The following STPG2 variants were observed in gnomAD, a reference collection of about 807,000 sequenced individuals.
The protein encoded by STPG2 is sperm-tail PG-rich repeat-containing protein 2.
In STPG2, 56 loss-of-function variants were observed where a neutral mutation model predicts 54.2. That is an observed-to-expected ratio of 1.03 (90% confidence interval 0.83 to 1.29). The LOEUF (loss-of-function observed/expected upper bound fraction) is 1.29, where lower values mean the gene tolerates loss of function less well. Ranked by LOEUF, STPG2 falls within the 50% of genes most tolerant of loss-of-function variation. The pLI is 0.00. For missense variants in STPG2, 596 were observed against 544.9 expected (o/e 1.09, Z -0.93); for synonymous variants, 200 against 181.8 (o/e 1.10, Z -0.81).
intron 9 of STPG2, among the ~76,000 whole-genome samples, chr4:97,744,023 C>T (rs1725350661): frequency 6.6e-6 from 1 of 151,328 alleles, no homozygotes; most frequent in Non-Finnish European, 1.5e-5. Flanking sequence ...GAGTTAGATG[C>T]TATAATACAT....
At chr4:97,752,893 C>A (rs1394447114) in intron 9 of STPG2, among the ~76,000 whole-genome samples, 1 of 151,844 alleles carries the variant, frequency 6.6e-6, no homozygotes, top group Non-Finnish European at 1.5e-5. Flanking sequence ...TTCATAAAGC[C>A]TTTTCCATAT....
rs1273463721 is a variant in STPG2 at position 98,128,576 on chromosome 4, G to A, written c.239C>T (p.Pro80Leu). Residue 80 changes from proline (P) to leucine (L), a missense_variant, in exon 3 of 11, where the codon CCT becomes CTT. Physicochemically the swap from Pro to Leu is moderately conservative, Grantham distance 98 (BLOSUM62 -3). Coordinates refer to ENST00000295268, the MANE Select transcript of STPG2 (RefSeq NM_174952.3). Reference protein sequence around the residue: ...VSEAQKISRSPTLTRSVDVPS... With the variant: ...VSEAQKISRSLTLTRSVDVPS... ...AACATCAACACTTCTGGTAAGTGTA[G>A]GTGATCTTGAAATTTTCTGCAAGGA... is the stretch of plus-strand genomic sequence containing the variant. 6 of 1,590,366 alleles carry A rather than the reference G, an allele frequency of 3.8e-6. No homozygotes were observed. Among genetic ancestry groups the A allele is most frequent in the Admixed American group, 3.7e-5 (2 of 53,880 alleles).
chr4:97,943,207 A>T (rs1733058508), intron 8 of STPG2, among the ~76,000 whole-genome samples: 1 of 151,960 alleles, frequency 6.6e-6, no homozygotes, highest in Non-Finnish European at 1.5e-5. Flanking sequence ...TGACATAATC[A>T]CCTCCCAGAA....
At chr4:97,723,870 A>T (rs1239728011) in intron 9 of STPG2, among the ~76,000 whole-genome samples, 1 of 152,170 alleles carries the variant, frequency 6.6e-6, no homozygotes, top group Non-Finnish European at 1.5e-5. Flanking sequence ...GGCATAAGGG[A>T]AACTGTTCCC....
At chr4:97,622,556 C>T (rs1441845936) in intron 10 of STPG2, among the ~76,000 whole-genome samples, 12 of 152,042 alleles carry the variant, frequency 7.9e-5, no homozygotes. Flanking sequence ...ATACAGCTAA[C>T]AAGGGAGTTG....
intron 4 of STPG2, among the ~76,000 whole-genome samples, chr4:97,514,506 G>A (rs964296576): frequency 6.6e-6 from 1 of 152,056 alleles, no homozygotes; most frequent in Non-Finnish European, 1.5e-5. Flanking sequence ...AATTTCTCAT[G>A]AAGAAGAAAA....
At chr4:97,787,653 TTTC>T (rs1196066992) in intron 9 of STPG2, among the ~76,000 whole-genome samples, 2 of 151,984 alleles carry the variant, frequency 1.3e-5, no homozygotes, top group Non-Finnish European at 2.9e-5. Context: ...TAAGTAATAT[TTTC>T]TTCTTTGTCA....
intron 8 of STPG2, among the ~76,000 whole-genome samples, chr4:97,912,778 A>C (rs1327314206): frequency 6.6e-6 from 1 of 152,258 alleles, no homozygotes; most frequent in Non-Finnish European, 1.5e-5. Context: ...GCAGGATATC[A>C]TCTAGGAGAT....
chr4:97,622,871 A>G lies in STPG2; in HGVS notation c.1321-63754T>C, dbSNP rs74332221. Among the ~76,000 whole-genome samples the G allele has an allele frequency of 2.0e-5, 3 of 152,076 alleles. No homozygotes were observed. In the East Asian group the frequency reaches 5.8e-4, roughly 29 times the overall value. On this transcript the variant is annotated intron_variant, in intron 10 of 10. Transcript: ENST00000295268. ...TCACATTACCTGACTTCAAACTACAATACAAGCCTATAGTAATCAAAACAG... is the reference window on the plus strand; with the variant it reads ...TCACATTACCTGACTTCAAACTACAGTACAAGCCTATAGTAATCAAAACAG...
intron 9 of STPG2, among the ~76,000 whole-genome samples, chr4:97,836,324 C>T (rs1349069988): frequency 6.6e-6 from 1 of 151,908 alleles, no homozygotes; most frequent in Non-Finnish European, 1.5e-5. Context: ...CAAGACCCTC[C>T]AGGAGAAAAA....
chr4:97,659,925 A>T (rs1722326006), intron 10 of STPG2, among the ~76,000 whole-genome samples: 1 of 152,158 alleles, frequency 6.6e-6, no homozygotes. Context: ...ATCACAATAC[A>T]GTTCCTTCCA....
chr4:97,613,408 T>C (rs1044279247), intron 10 of STPG2, among the ~76,000 whole-genome samples: 21 of 151,900 alleles, frequency 1.4e-4, no homozygotes, highest in Admixed American at 1.2e-3. Context: ...GCCCTTATTA[T>C]CACACTGTAT....
At chr4:97,649,881 T>C (rs1327785313) in intron 10 of STPG2, among the ~76,000 whole-genome samples, 2 of 152,066 alleles carry the variant, frequency 1.3e-5, no homozygotes, top group Non-Finnish European at 2.9e-5. Flanking sequence ...CCACTTTAAT[T>C]CTATTATTAT....
At chr4:98,093,267 G>C (rs1738745280) in intron 5 of STPG2, among the ~76,000 whole-genome samples, 4 of 152,036 alleles carry the variant, frequency 2.6e-5, no homozygotes, top group Admixed American at 2.6e-4. Flanking sequence ...TTGCATAAAA[G>C]TTAATATTTG....
intron 5 of STPG2, among the ~76,000 whole-genome samples, chr4:98,058,594 A>C (rs115810160): frequency 6.6e-6 from 1 of 152,086 alleles, no homozygotes; most frequent in Non-Finnish European, 1.5e-5. Context: ...AGACAGAGAC[A>C]TTCTCAAATA....
chr4:97,716,617 CAT>C (rs930539200), intron 9 of STPG2, among the ~76,000 whole-genome samples: 1 of 150,160 alleles, frequency 6.7e-6, no homozygotes, highest in Non-Finnish European at 1.5e-5. Flanking sequence ...CCAAACACCA[CAT>C]GTTTTCACTC....
In STPG2 at chr4:97,840,807, AGTT is replaced by A; in HGVS notation, c.1167_1169del (p.Thr390del). On this transcript the variant is annotated inframe_deletion, in exon 9 of 11. Transcript: ENST00000295268. ...CAGTCACTTTTTCTAGGCACCGAGG[AGTT>A]GCACTAAGAAAAGAGGCATGTTTTC... 6.2e-7 allele frequency: 1 copy of A among 1,611,958 alleles called. No homozygotes were observed. Among genetic ancestry groups the A allele is most frequent in the Admixed American group, 1.7e-5 (1 of 59,864 alleles).
chr4:97,982,680 T>C (rs1560622118), intron 5 of STPG2, among the ~76,000 whole-genome samples: 1 of 152,190 alleles, frequency 6.6e-6, no homozygotes, highest in Non-Finnish European at 1.5e-5. Context: ...CTCTTTTATG[T>C]CCTTTAATGT....
intron 8 of STPG2, among the ~76,000 whole-genome samples, chr4:97,889,895 T>G (rs1025618185): frequency 6.6e-6 from 1 of 152,172 alleles, no homozygotes; most frequent in African/African-American, 2.4e-5. Flanking sequence ...AGGAGTTTTG[T>G]TGTTTTATTC....
Sources: allele counts gnomAD v4.1 joint callset (sites outside exome capture counted in the v4.1 genomes callset), GRCh38; gene constraint gnomAD v4.1.1; transcripts MANE v1.5; gene names NCBI Gene and HGNC (gene_info 2026-07-23, HGNC 2026-07-21).